The following LIPC variants were observed in gnomAD, a reference collection of about 807,000 sequenced individuals.
LIPC encodes the protein hepatic triacylglycerol lipase.
Under a neutral mutation model 50.7 loss-of-function variants are expected in LIPC, and 44 were observed. The ratio of observed to expected loss-of-function variants is 0.87; its 90% CI spans 0.68 to 1.11. LIPC has a LOEUF of 1.11. Among genes scored for constraint, LIPC ranks in the 50% most tolerant of loss-of-function variants. The probability of loss-of-function intolerance (pLI) is 0.00; values close to 1 mark genes in which losing one functional copy is unlikely to be tolerated. For missense variants in LIPC, 697 were observed against 648.2 expected (o/e 1.08, Z -0.82); for synonymous variants, 271 against 256.4 (o/e 1.06, Z -0.54).
At chr15:58,469,358 C>A (rs1894699401) in intron 1 of LIPC, among the ~76,000 whole-genome samples, 1 of 152,110 alleles carries the variant, frequency 6.6e-6, no homozygotes, top group Non-Finnish European at 1.5e-5. Flanking sequence ...CAGCTCTTGG[C>A]CCACTTGGGT....
rs577074114 is a variant in LIPC, at chr15:58,440,524, G to A, written c.88+8404G>A. 2.6e-3 allele frequency among the ~76,000 whole-genome samples: 392 copies of A among 152,350 alleles called. 5 individuals are homozygous for A. The highest frequency in any genetic ancestry group is 9.2e-3 in the African/African-American group (383 of 41,578). ...ACCAGGCCCCATGGTCAGTAGGAAA[G>A]TATATCCCTGAGGGTACAAAAATGA... is the stretch of plus-strand genomic sequence containing the variant. On this transcript the variant is annotated intron_variant, in intron 1 of 8. Coordinates refer to ENST00000299022, the MANE Select transcript of LIPC (RefSeq NM_000236.3).
chr15:58,516,237 CTT>C (rs11351202), intron 1 of LIPC, among the ~76,000 whole-genome samples: 8,267 of 45,958 alleles, frequency 0.18, 303 homozygotes, highest in Non-Finnish European at 0.24. Flanking sequence ...CCTCTAGCTT[CTT>C]TTTTTTTTTT....
rs543308804 is a variant in LIPC, at chr15:58,509,231, C to A, written c.89-29102C>A. 2.0e-5 allele frequency among the ~76,000 whole-genome samples: 3 copies of A among 152,326 alleles called. No individual in the cohort carries two copies. In the East Asian group the frequency reaches 5.8e-4, roughly 29 times the overall value. ...ATCCATCAATGTCACCAGCTTGATT[C>A]CTCCTCAGATGATGAGCCACTTTCT... On this transcript the variant is annotated intron_variant, in intron 1 of 8. Coordinates refer to ENST00000299022, the MANE Select transcript of LIPC (RefSeq NM_000236.3).
At chr15:58,469,119 T>TGTGG (rs199647365) in intron 1 of LIPC, among the ~76,000 whole-genome samples, 15,523 of 150,676 alleles carry the variant, frequency 0.1, 915 homozygotes, top group South Asian at 0.15. Flanking sequence ...TGTGTGTGTG[T>TGTGG]GTGTGTGTGT....
chr15:58,446,233 A>G (rs1893690840), intron 1 of LIPC, among the ~76,000 whole-genome samples: 1 of 151,934 alleles, frequency 6.6e-6, no homozygotes, highest in Non-Finnish European at 1.5e-5. Flanking sequence ...ACAGAGTCTC[A>G]CTCTGTCACC....
At chr15:58,529,780 T>C (rs1402292895) in intron 1 of LIPC, among the ~76,000 whole-genome samples, 2 of 152,126 alleles carry the variant, frequency 1.3e-5, no homozygotes, top group Non-Finnish European at 2.9e-5. Flanking sequence ...CCTGGATGCA[T>C]GGTTTGGGGC....
chr15:58,488,840 C>G (rs1450899004), intron 1 of LIPC, among the ~76,000 whole-genome samples: 3 of 152,206 alleles, frequency 2.0e-5, no homozygotes, highest in Non-Finnish European at 4.4e-5. Context: ...TTCTGACAAT[C>G]TAGGGATGAA....
intron 5 of LIPC, among the ~76,000 whole-genome samples, chr15:58,546,623 G>A (rs534552335): frequency 6.6e-6 from 1 of 152,196 alleles, no homozygotes; most frequent in Admixed American, 6.5e-5. Context: ...CAGGATTAAA[G>A]AACAAAAATG....
intron 8 of LIPC, chr15:58,565,337 G>T (rs1212022181): frequency 1.3e-6 from 2 of 1,532,570 alleles, no homozygotes; most frequent in Admixed American, 2.0e-5. Flanking sequence ...CAGTTTAGGT[G>T]GCTGCTCACC....
intron 1 of LIPC, among the ~76,000 whole-genome samples, chr15:58,507,573 T>C (rs1892192513): frequency 6.6e-6 from 1 of 152,188 alleles, no homozygotes; most frequent in African/African-American, 2.4e-5. Flanking sequence ...ACTAAAGTGG[T>C]CCCTCTTATA....
At chr15:58,472,951 C>T (rs1890861811) in intron 1 of LIPC, among the ~76,000 whole-genome samples, 1 of 152,164 alleles carries the variant, frequency 6.6e-6, no homozygotes, top group African/African-American at 2.4e-5. Context: ...ATCATCTGAA[C>T]TTGGGTTTCA....
intron 1 of LIPC, among the ~76,000 whole-genome samples, chr15:58,441,470 A>G (rs2140643754): frequency 6.6e-6 from 1 of 152,374 alleles, no homozygotes; most frequent in East Asian, 1.9e-4. Context: ...TTCTTACAGT[A>G]GCCCTGTAAA....
At chr15:58,476,650 C>T (rs146163527) in intron 1 of LIPC, among the ~76,000 whole-genome samples, 1 of 152,328 alleles carries the variant, frequency 6.6e-6, no homozygotes, top group Non-Finnish European at 1.5e-5. Flanking sequence ...CATGGTGCCA[C>T]AGAAAAAACG....
intron 1 of LIPC, among the ~76,000 whole-genome samples, chr15:58,515,245 C>A (rs1448533101): frequency 6.6e-6 from 1 of 152,128 alleles, no homozygotes; most frequent in African/African-American, 2.4e-5. Flanking sequence ...TATAAGGTAA[C>A]ATATTCTAGG....
chr15:58,453,666 C>T (rs1371266765), intron 1 of LIPC, among the ~76,000 whole-genome samples: 5 of 151,730 alleles, frequency 3.3e-5, no homozygotes, highest in South Asian at 2.1e-4. Flanking sequence ...TTTGGGAGGC[C>T]GAGGCAGGTG....
At chr15:58,452,004 G>A (rs1378552712) in intron 1 of LIPC, among the ~76,000 whole-genome samples, 5 of 152,210 alleles carry the variant, frequency 3.3e-5, no homozygotes, top group African/African-American at 9.6e-5. Flanking sequence ...CAATGCTCAA[G>A]CATCGTTCCT....
intron 1 of LIPC, among the ~76,000 whole-genome samples, chr15:58,515,375 C>T (rs1317601003): frequency 3.3e-5 from 5 of 152,138 alleles, no homozygotes; most frequent in African/African-American, 1.2e-4. Context: ...GTTTGCTTTG[C>T]TTTAAACTCT....
chr15:58,450,700 AG>A (rs1164437388), intron 1 of LIPC, among the ~76,000 whole-genome samples: 2 of 152,210 alleles, frequency 1.3e-5, no homozygotes, highest in African/African-American at 2.4e-5. Flanking sequence ...AGGAAGGTCA[AG>A]GTACTGAGTA....
At chr15:58,432,313 C>A in intron 1 of LIPC, 193 bp downstream of exon 1, 1 of 625,692 alleles carries the variant, frequency 1.6e-6, no homozygotes, top group South Asian at 1.9e-5. Context: ...TTTAGAAAAT[C>A]ATCCTCGGAT....
Sources: allele counts gnomAD v4.1 joint callset (sites outside exome capture counted in the v4.1 genomes callset), GRCh38; gene constraint gnomAD v4.1.1; transcripts MANE v1.5; gene names NCBI Gene and HGNC (gene_info 2026-07-23, HGNC 2026-07-21).